Variants in NHS observed in about 807,000 individuals in gnomAD.
The protein encoded by NHS is actin remodeling regulator NHS.
Under a neutral mutation model 72.5 loss-of-function variants are expected in NHS, and 5 were observed. The observed-to-expected ratio is 0.07, with a 90% CI of 0.04 to 0.14. The LOEUF (loss-of-function observed/expected upper bound fraction) is 0.14. Ranked by LOEUF, NHS falls within the 10% of genes least tolerant of loss-of-function variation. NHS has a pLI of 1.00. For synonymous variants in NHS, 464 were observed against 547.7 expected (o/e 0.85, Z 2.13); for missense variants, 1,072 against 1,355.7 (o/e 0.79, Z 3.29).
At chrX:17,474,090 C>G (rs1294825120) in intron 1 of NHS, among the ~76,000 whole-genome samples, 1 of 111,367 alleles carries the variant, frequency 9.0e-6, no homozygotes, top group Non-Finnish European at 1.9e-5. Flanking sequence ...CTTCCACCCT[C>G]AAGTAGGCCT....
chrX:17,532,644 A>G (rs1225450497), intron 1 of NHS, among the ~76,000 whole-genome samples: 1 of 111,954 alleles, frequency 8.9e-6, no homozygotes, highest in Non-Finnish European at 1.9e-5. Flanking sequence ...TTGGCCCTTC[A>G]GTGAAAATGC....
chrX:17,536,961 T>C (rs963075494), intron 1 of NHS, among the ~76,000 whole-genome samples: 1 of 112,482 alleles, frequency 8.9e-6, no homozygotes, highest in African/African-American at 3.2e-5. Flanking sequence ...GGAATTCTAA[T>C]CTTGATTTTC....
intron 4 of NHS, among the ~76,000 whole-genome samples, chrX:17,720,727 A>G (rs1009991118): frequency 8.9e-6 from 1 of 112,542 alleles, no homozygotes; most frequent in African/African-American, 3.2e-5. Context: ...AGCTGAAAAG[A>G]AAGTAAACTA....
intron 1 of NHS, among the ~76,000 whole-genome samples, chrX:17,555,085 A>G (rs2065362128): frequency 9.1e-6 from 1 of 110,427 alleles, no homozygotes; most frequent in African/African-American, 3.3e-5. Flanking sequence ...CTGTTTTCTA[A>G]GGGACAGTGG....
At chrX:17,399,687 CT>C (rs2146851363) in intron 1 of NHS, among the ~76,000 whole-genome samples, 1 of 111,837 alleles carries the variant, frequency 8.9e-6, no homozygotes, top group African/African-American at 3.2e-5. Context: ...AGACCCCTAA[CT>C]TCAGGTAACT....
chrX:17,623,125 C>T (rs1361657831), intron 1 of NHS, among the ~76,000 whole-genome samples: 2 of 110,451 alleles, frequency 1.8e-5, no homozygotes, highest in Middle Eastern at 4.2e-3. Flanking sequence ...ATAATAGAAA[C>T]GAGGGGTCTC....
At chrX:17,648,611 T>C (rs2065916815) in intron 1 of NHS, among the ~76,000 whole-genome samples, 1 of 112,664 alleles carries the variant, frequency 8.9e-6, no homozygotes. Flanking sequence ...GATTTGAAGT[T>C]CTTCCAATAG....
intron 1 of NHS, among the ~76,000 whole-genome samples, chrX:17,393,587 A>G (rs1473439373): frequency 1.8e-5 from 2 of 112,333 alleles, no homozygotes; most frequent in Non-Finnish European, 3.8e-5. Flanking sequence ...TGGATTTTCA[A>G]ATTGCATCCT....
In NHS at chrX:17,732,597, A is replaced by T. The variant is rs752316733; in HGVS notation, c.*133A>T. 3.5e-5 allele frequency: 34 copies of T among 965,752 alleles called. No individual in the cohort carries two copies. The Admixed American group carries it at 5.9e-4, about 17-fold the overall frequency. The allele number at this position is 965,752 out of a possible 1,213,427, so 79.6% of individuals were successfully genotyped here. A position where few individuals can be genotyped will look rare whatever the true frequency, so the allele number is the denominator to read the frequency against. ...ACTGCTAAGCAATGAATGAATTTCT[A>T]AATACAGTATGTGCTGGGTAAACAG... On this transcript the variant is annotated 3_prime_UTR_variant, in exon 9 of 9. Coordinates refer to ENST00000676302, the MANE Select transcript of NHS (RefSeq NM_001291867.2).
At chrX:17,511,778 C>T (rs1293665970) in intron 1 of NHS, among the ~76,000 whole-genome samples, 1 of 111,775 alleles carries the variant, frequency 8.9e-6, no homozygotes, top group African/African-American at 3.3e-5. Context: ...CTTCAGTGTG[C>T]TCCAGTGGGA....
chrX:17,622,989 G>GTGA (rs1416893058), intron 1 of NHS, among the ~76,000 whole-genome samples: 5 of 111,148 alleles, frequency 4.5e-5, no homozygotes, highest in Non-Finnish European at 9.4e-5. Flanking sequence ...ATGCAGTGGT[G>GTGA]TGATCATAGC....
chrX:17,650,848 A>G (rs2065927575), intron 1 of NHS, among the ~76,000 whole-genome samples: 1 of 112,563 alleles, frequency 8.9e-6, no homozygotes, highest in Non-Finnish European at 1.9e-5. Flanking sequence ...GCTAAAATCT[A>G]TATGTACAAA....
intron 3 of NHS, among the ~76,000 whole-genome samples, chrX:17,707,941 T>C (rs777286975): frequency 1.3e-4 from 15 of 111,866 alleles, no homozygotes; most frequent in Non-Finnish European, 2.1e-4. Context: ...TCGCCTTTGC[T>C]ATACAAGAGT....
rs112590898 is a variant in NHS, at chrX:17,435,869, G to A, written c.565+59547G>A. Among the ~76,000 whole-genome samples the A allele has an allele frequency of 1.8e-3, 206 of 111,744 alleles. 3 individuals are homozygous for A. The highest frequency in any genetic ancestry group is 6.3e-3 in the African/African-American group (192 of 30,707). On this transcript the variant is annotated intron_variant, in intron 1 of 8. Coordinates refer to ENST00000676302, the MANE Select transcript of NHS (RefSeq NM_001291867.2). ...AGTCTTTGCCACCATCAGGAGAACCGTGGAGACCCTCAGGTCCCAGGCCTG... is the reference window on the plus strand; with the variant it reads ...AGTCTTTGCCACCATCAGGAGAACCATGGAGACCCTCAGGTCCCAGGCCTG...
chrX:17,576,596 A>C (rs1747673207), intron 1 of NHS, among the ~76,000 whole-genome samples: 1 of 112,308 alleles, frequency 8.9e-6, no homozygotes, highest in African/African-American at 3.2e-5. Context: ...AATTAGTTTG[A>C]AAAACAGAAG....
chrX:17,464,399 G>C (rs984029668), intron 1 of NHS, among the ~76,000 whole-genome samples: 1 of 111,930 alleles, frequency 8.9e-6, no homozygotes, highest in African/African-American at 3.3e-5. Flanking sequence ...GAGCTGGCTG[G>C]TTCCTCACTG....
At chrX:17,680,875 C>G (rs974215580) in intron 1 of NHS, among the ~76,000 whole-genome samples, 21 of 112,377 alleles carry the variant, frequency 1.9e-4, no homozygotes, top group Non-Finnish European at 3.8e-4. Flanking sequence ...TGCTTACATT[C>G]TGGAGGAGGT....
intron 1 of NHS, among the ~76,000 whole-genome samples, chrX:17,391,669 G>A (rs1022443977): frequency 5.4e-5 from 6 of 111,663 alleles, no homozygotes; most frequent in African/African-American, 1.3e-4. Context: ...GACTTGGCTC[G>A]TCTAACTCAT....
intron 1 of NHS, among the ~76,000 whole-genome samples, chrX:17,563,406 G>A (rs993085928): frequency 8.9e-6 from 1 of 112,544 alleles, no homozygotes; most frequent in Non-Finnish European, 1.9e-5. Flanking sequence ...GGAGGTGGGC[G>A]AAGCACCAAT....
Sources: allele counts gnomAD v4.1 joint callset (sites outside exome capture counted in the v4.1 genomes callset), GRCh38; gene constraint gnomAD v4.1.1; transcripts MANE v1.5; gene names NCBI Gene and HGNC (gene_info 2026-07-23, HGNC 2026-07-21).